TMEM156: variants seen among roughly 807,000 people sequenced by gnomAD.
TMEM156 encodes the protein transmembrane protein 156.
In TMEM156, 28 loss-of-function variants were observed where a neutral mutation model predicts 30.5. The observed-to-expected ratio is 0.92, with a 90% CI of 0.68 to 1.26. TMEM156 has a LOEUF of 1.26. Ranked by LOEUF, TMEM156 falls within the 50% of genes most tolerant of loss-of-function variation. The probability of loss-of-function intolerance (pLI) is 0.00; values close to 1 mark genes in which losing one functional copy is unlikely to be tolerated. For synonymous variants in TMEM156, 137 were observed against 119.9 expected (o/e 1.14, Z -0.93); for missense variants, 351 against 340.6 (o/e 1.03, Z -0.24).
intron 1 of TMEM156, among the ~76,000 whole-genome samples, chr4:39,022,165 G>A (rs139431015): frequency 1.1e-4 from 17 of 152,142 alleles, no homozygotes; most frequent in Non-Finnish European, 2.4e-4. Flanking sequence ...TCCTGGATTG[G>A]ACTTTTCACA....
At chr4:38,993,258 C>T (rs12648961) in intron 3 of TMEM156, among the ~76,000 whole-genome samples, 53,810 of 151,236 alleles carry the variant, frequency 0.36, 10,128 homozygotes, top group East Asian at 0.64. Context: ...GACAAGACCC[C>T]GTCTCTACTA....
intron 6 of TMEM156, 132 bp downstream of exon 6, chr4:38,970,900 T>G: frequency 1.7e-6 from 1 of 581,592 alleles, no homozygotes; most frequent in Non-Finnish European, 3.1e-6. Context: ...ATCTAATTCA[T>G]ATGAACTGAC....
intron 1 of TMEM156, among the ~76,000 whole-genome samples, chr4:39,005,781 T>G (rs1713689016): frequency 6.6e-6 from 1 of 152,216 alleles, no homozygotes; most frequent in South Asian, 2.1e-4. Flanking sequence ...ATGTCTTTAG[T>G]GTACACTAAG....
intron 1 of TMEM156, among the ~76,000 whole-genome samples, chr4:39,016,936 G>A (rs562578976): frequency 3.3e-4 from 50 of 152,208 alleles, no homozygotes; most frequent in Non-Finnish European, 5.9e-4. Flanking sequence ...TGAAGGAAGA[G>A]CAAAGAGATG....
chr4:39,006,607 T>C (rs1055836619), intron 1 of TMEM156, among the ~76,000 whole-genome samples: 1 of 152,090 alleles, frequency 6.6e-6, no homozygotes, highest in African/African-American at 2.4e-5. Context: ...GTTTCGCCTT[T>C]CACATTTCAT....
At chr4:39,011,028 A>G (rs1714077252) in intron 1 of TMEM156, among the ~76,000 whole-genome samples, 1 of 152,178 alleles carries the variant, frequency 6.6e-6, no homozygotes, top group South Asian at 2.1e-4. Context: ...ACTAAGGGCT[A>G]ATATACAAAA....
At chr4:39,029,844 A>G (rs1049328944) in intron 1 of TMEM156, among the ~76,000 whole-genome samples, 6 of 152,058 alleles carry the variant, frequency 3.9e-5, no homozygotes, top group African/African-American at 1.2e-4. Context: ...CTGGTGATCC[A>G]TAAACCATTA....
chr4:38,977,856 C>T (rs568597484), intron 5 of TMEM156, among the ~76,000 whole-genome samples: 4 of 152,206 alleles, frequency 2.6e-5, no homozygotes, highest in African/African-American at 4.8e-5. Context: ...ATGCCTTATG[C>T]TCTCAAATAA....
At chr4:38,986,212 T>C (rs1577523714) in intron 5 of TMEM156, 124 bp downstream of exon 5, 1 of 684,528 alleles carries the variant, frequency 1.5e-6, no homozygotes, top group East Asian at 2.6e-5. Context: ...CACAGCTCTG[T>C]TATTCCAGAT....
intron 1 of TMEM156, among the ~76,000 whole-genome samples, chr4:39,008,045 T>G (rs1434173787): frequency 1.3e-5 from 2 of 152,206 alleles, no homozygotes; most frequent in South Asian, 2.1e-4. Context: ...GGGCTTTCTA[T>G]GCAAATATGC....
intron 1 of TMEM156, among the ~76,000 whole-genome samples, chr4:39,001,213 A>AC (rs1477074390): frequency 4.8e-5 from 5 of 103,212 alleles, no homozygotes; most frequent in Non-Finnish European, 1.1e-4. Flanking sequence ...TACTAAAAAT[A>AC]CAAAAAAAAA....
At chr4:39,024,334 C>G (rs61365919) in intron 1 of TMEM156, among the ~76,000 whole-genome samples, 1 of 151,240 alleles carries the variant, frequency 6.6e-6, no homozygotes, top group Non-Finnish European at 1.5e-5. Context: ...CATGCCCAGC[C>G]GAGCCAGAGG....
chr4:38,977,287 C>T (rs1468810234), intron 5 of TMEM156, among the ~76,000 whole-genome samples: 1 of 152,166 alleles, frequency 6.6e-6, no homozygotes, highest in Non-Finnish European at 1.5e-5. Flanking sequence ...TAACAGAGTT[C>T]TTTTCGTTGA....
chr4:39,007,429 G>T (rs113842458), intron 1 of TMEM156, among the ~76,000 whole-genome samples: 1 of 127,668 alleles, frequency 7.8e-6, no homozygotes, highest in Non-Finnish European at 1.6e-5. Flanking sequence ...ATTTATTTAT[G>T]TATTTATTTA....
chr4:38,982,923 T>C (rs1443031486), intron 5 of TMEM156, among the ~76,000 whole-genome samples: 3 of 152,182 alleles, frequency 2.0e-5, no homozygotes, highest in Non-Finnish European at 4.4e-5. Flanking sequence ...TCAGGGGTGA[T>C]GACAAGTATG....
chr4:39,009,704 AT>A (rs1288183607), intron 1 of TMEM156, among the ~76,000 whole-genome samples: 1 of 152,208 alleles, frequency 6.6e-6, no homozygotes, highest in Non-Finnish European at 1.5e-5. Flanking sequence ...ACATTTTTTC[AT>A]GATAAAAGCC....
At chr4:38,977,551 A>G (rs891694167) in intron 5 of TMEM156, among the ~76,000 whole-genome samples, 1 of 152,248 alleles carries the variant, frequency 6.6e-6, no homozygotes, top group South Asian at 2.1e-4. Context: ...CAGAATAGCT[A>G]AAACGGGTGG....
intron 3 of TMEM156, 110 bp from the exon 4 acceptor site, chr4:38,989,080 C>T: frequency 9.1e-7 from 1 of 1,099,776 alleles, no homozygotes; most frequent in Non-Finnish European, 1.3e-6. Context: ...AATTGAAAAG[C>T]TGAAATTATG....
At chr4:38,996,442 G>A (rs1205118751) in intron 2 of TMEM156, among the ~76,000 whole-genome samples, 1 of 151,684 alleles carries the variant, frequency 6.6e-6, no homozygotes, top group Non-Finnish European at 1.5e-5. Context: ...CATGGTAGCA[G>A]GCGTCTGTAA....
Sources: allele counts gnomAD v4.1 joint callset (sites outside exome capture counted in the v4.1 genomes callset), GRCh38; gene constraint gnomAD v4.1.1; transcripts MANE v1.5; gene names NCBI Gene and HGNC (gene_info 2026-07-23, HGNC 2026-07-21).